The following UNC79 variants were observed in gnomAD, a reference collection of about 807,000 sequenced individuals.
The protein encoded by UNC79 is unc-79 subunit of NALCN channel complex, also known as protein unc-79 homolog.
In UNC79, 37 loss-of-function variants were observed where a neutral mutation model predicts 283.1. That is an observed-to-expected ratio of 0.13 (90% CI 0.10 to 0.17). The LOEUF (loss-of-function observed/expected upper bound fraction) is 0.17. Among genes scored for constraint, UNC79 ranks in the 10% least tolerant of loss-of-function variants. The pLI is 1.00. For missense variants in UNC79, 2,272 were observed against 3,211.1 expected, an observed-to-expected ratio of 0.71 and a Z score of 7.07; for synonymous variants, 1,107 against 1,200.2, an observed-to-expected ratio of 0.92 and a Z score of 1.61.
At chr14:93,399,952 AGAACCTGGAACG>A (rs1193687453) in intron 1 of UNC79, among the ~76,000 whole-genome samples, 1 of 152,200 alleles carries the variant, frequency 6.6e-6, no homozygotes, top group Non-Finnish European at 1.5e-5. Context: ...CGCCTGAGAT[AGAACCTGGAACG>A]GAAAGGTCTT....
intron 22 of UNC79, among the ~76,000 whole-genome samples, chr14:93,590,627 C>A (rs2064596835): frequency 6.6e-6 from 1 of 152,176 alleles, no homozygotes; most frequent in Non-Finnish European, 1.5e-5. Context: ...ATAGCCCAGG[C>A]TTTCTCCTTA....
intron 1 of UNC79, among the ~76,000 whole-genome samples, chr14:93,414,108 T>C (rs1321892969): frequency 6.6e-6 from 1 of 151,884 alleles, no homozygotes; most frequent in Non-Finnish European, 1.5e-5. Context: ...TGCCCATGCC[T>C]ATGTCCTGAA....
At chr14:93,659,321 G>T in intron 39 of UNC79, 60 bp downstream of exon 42, 1 of 1,376,856 alleles carries the variant, frequency 7.3e-7, no homozygotes. Context: ...AACCTAATGA[G>T]ATAGGCTTGT....
intron 1 of UNC79, among the ~76,000 whole-genome samples, chr14:93,377,096 CTTT>C (rs3059767): frequency 0.027 from 2,931 of 108,058 alleles, 109 homozygotes; most frequent in African/African-American, 0.097. Flanking sequence ...ATAGTTGTTT[CTTT>C]TTTTTTTTTT....
At chr14:93,651,912 A>ATTTTTT (rs71129653) in intron 35 of UNC79, among the ~76,000 whole-genome samples, 30 of 46,600 alleles carry the variant, frequency 6.4e-4, no homozygotes, top group East Asian at 1.3e-3. Context: ...CTAATTTTGT[A>ATTTTTT]TTTTTTTTTT....
At chr14:93,491,729 C>T (rs1304477643) in intron 5 of UNC79, among the ~76,000 whole-genome samples, 1 of 152,102 alleles carries the variant, frequency 6.6e-6, no homozygotes, top group Non-Finnish European at 1.5e-5. Context: ...TACAATTTGC[C>T]ATTTTCTTCT....
chr14:93,407,440 T>C (rs2055249079), intron 1 of UNC79, among the ~76,000 whole-genome samples: 4 of 152,180 alleles, frequency 2.6e-5, no homozygotes, highest in Admixed American at 2.6e-4. Flanking sequence ...CCTAGACTTG[T>C]GGGGAGGACA....
intron 1 of UNC79, among the ~76,000 whole-genome samples, chr14:93,396,767 A>ATGTG (rs1413500764): frequency 1.4e-4 from 11 of 76,418 alleles, no homozygotes; most frequent in Admixed American, 3.1e-4. Context: ...TGCAAAGGGC[A>ATGTG]TGTGTGTGTA....
At chr14:93,356,776 T>C (rs1296117891) in intron 1 of UNC79, among the ~76,000 whole-genome samples, 2 of 152,226 alleles carry the variant, frequency 1.3e-5, no homozygotes, top group Non-Finnish European at 2.9e-5. Flanking sequence ...TTTAAAGCTA[T>C]GGTTAAAGCA....
intron 48 of UNC79, among the ~76,000 whole-genome samples, chr14:93,705,347 C>CAAAAAAAAAAAAAAAAAAAAAA (rs71129656): frequency 1.1e-5 from 1 of 87,526 alleles, no homozygotes; most frequent in Non-Finnish European, 2.2e-5. Flanking sequence ...CCCAGTCTCT[C>CAAAAAAAAAAAAAAAAAAAAAA]AAAAAAAAAA....
At chr14:93,431,753 C>G (rs1041298390) in intron 1 of UNC79, among the ~76,000 whole-genome samples, 2 of 152,212 alleles carry the variant, frequency 1.3e-5, no homozygotes, top group African/African-American at 4.8e-5. Flanking sequence ...TTTTGGTTGT[C>G]CCAGTAATGA....
At chr14:93,391,276 A>G (rs1040876549) in intron 1 of UNC79, among the ~76,000 whole-genome samples, 17 of 145,650 alleles carry the variant, frequency 1.2e-4, no homozygotes, top group African/African-American at 4.2e-4. Flanking sequence ...AAAGAAAAGG[A>G]AAAAAAAAGG....
At chr14:93,584,056 C>G (rs1298420466) in intron 20 of UNC79, among the ~76,000 whole-genome samples, 1 of 152,156 alleles carries the variant, frequency 6.6e-6, no homozygotes, top group Admixed American at 6.5e-5. Context: ...ATCCACCCGT[C>G]TCGGCCTCCC....
intron 4 of UNC79, among the ~76,000 whole-genome samples, chr14:93,480,082 A>G (rs1398576147): frequency 1.3e-5 from 2 of 152,210 alleles, no homozygotes; most frequent in East Asian, 1.9e-4. Flanking sequence ...GTTTCTTTAC[A>G]CTTAATTATT....
At chr14:93,451,682 T>C (rs2056648098) in intron 1 of UNC79, among the ~76,000 whole-genome samples, 1 of 152,164 alleles carries the variant, frequency 6.6e-6, no homozygotes, top group Non-Finnish European at 1.5e-5. Context: ...TTTCAGCCAA[T>C]CCCCCACATT....
chr14:93,566,726 C>T (rs2062910441), intron 14 of UNC79, among the ~76,000 whole-genome samples: 1 of 151,122 alleles, frequency 6.6e-6, no homozygotes, highest in Non-Finnish European at 1.5e-5. Flanking sequence ...CAACCTCTGC[C>T]TCCCGGGTTC....
At chr14:93,465,427 T>C (rs2057134878) in intron 1 of UNC79, among the ~76,000 whole-genome samples, 2 of 152,108 alleles carry the variant, frequency 1.3e-5, no homozygotes, top group African/African-American at 2.4e-5. Flanking sequence ...CCTTAAGAAA[T>C]TTACAAGCTG....
chr14:93,481,061 G>T (rs568417883), intron 4 of UNC79, among the ~76,000 whole-genome samples: 27 of 152,252 alleles, frequency 1.8e-4, no homozygotes, highest in Non-Finnish European at 3.1e-4. Context: ...AGGCCAGCAT[G>T]TATATCAGAG....
At chr14:93,357,811 A>ATATGGATATG (rs1566889973) in intron 1 of UNC79, among the ~76,000 whole-genome samples, 1 of 70,646 alleles carries the variant, frequency 1.4e-5, no homozygotes, top group Non-Finnish European at 2.5e-5. Flanking sequence ...ATATATGGAT[A>ATATGGATATG]TATATATATG....
Sources: allele counts gnomAD v4.1 joint callset (sites outside exome capture counted in the v4.1 genomes callset), GRCh38; gene constraint gnomAD v4.1.1; transcripts MANE v1.5; gene names NCBI Gene and HGNC (gene_info 2026-07-23, HGNC 2026-07-21).